The following ST6GALNAC3 variants were observed in gnomAD, a reference collection of about 807,000 sequenced individuals.
ST6GALNAC3 encodes ST6 N-acetylgalactosaminide alpha-2,6-sialyltransferase 3.
In ST6GALNAC3, 25 loss-of-function variants were observed where a neutral mutation model predicts 32.7. The observed-to-expected ratio is 0.76, with a 90% CI of 0.56 to 1.07. The LOEUF (loss-of-function observed/expected upper bound fraction) is 1.07. Ranked by LOEUF, ST6GALNAC3 falls within the 50% of genes least tolerant of loss-of-function variation. ST6GALNAC3 has a pLI of 0.00. For synonymous variants in ST6GALNAC3, 129 were observed against 133.1 expected, an observed-to-expected ratio of 0.97 and a Z score of 0.21; for missense variants, 355 against 382.4, an observed-to-expected ratio of 0.93 and a Z score of 0.60.
chr1:76,562,456 G>A (rs1557574734), intron 3 of ST6GALNAC3, among the ~76,000 whole-genome samples: 1 of 152,084 alleles, frequency 6.6e-6, no homozygotes, highest in South Asian at 2.1e-4. Context: ...AGGATGATGT[G>A]GTGGTAACTA....
chr1:76,457,172 A>C (rs901326636), intron 3 of ST6GALNAC3, among the ~76,000 whole-genome samples: 1 of 152,036 alleles, frequency 6.6e-6, no homozygotes, highest in African/African-American at 2.4e-5. Context: ...CTTCAAGGAG[A>C]ACTACAAACC....
intron 1 of ST6GALNAC3, among the ~76,000 whole-genome samples, chr1:76,215,756 G>A (rs1028521311): frequency 3.3e-5 from 5 of 152,224 alleles, no homozygotes; most frequent in East Asian, 1.9e-4. Flanking sequence ...AGAGGTAACC[G>A]CCTTGAACAT....
chr1:76,461,911 A>C (rs1220152723), intron 3 of ST6GALNAC3, among the ~76,000 whole-genome samples: 1 of 152,164 alleles, frequency 6.6e-6, no homozygotes, highest in Non-Finnish European at 1.5e-5. Flanking sequence ...ATCCAGACTT[A>C]GGTAAACTGA....
intron 1 of ST6GALNAC3, among the ~76,000 whole-genome samples, chr1:76,274,039 C>T (rs1485831829): frequency 1.3e-5 from 2 of 152,110 alleles, no homozygotes; most frequent in African/African-American, 2.4e-5. Flanking sequence ...GCCATAATCA[C>T]AACATTCGAA....
At chr1:76,143,837 C>T (rs1050382390) in intron 1 of ST6GALNAC3, among the ~76,000 whole-genome samples, 22 of 152,104 alleles carry the variant, frequency 1.4e-4, no homozygotes, top group African/African-American at 5.1e-4. Context: ...ATTGAGGCCT[C>T]ACTATTGAGA....
intron 3 of ST6GALNAC3, among the ~76,000 whole-genome samples, chr1:76,614,579 C>A (rs1172067785): frequency 6.6e-6 from 1 of 151,782 alleles, no homozygotes; most frequent in East Asian, 1.9e-4. Flanking sequence ...ATTAGCCGGG[C>A]GTGGTGGCGG....
rs553226463 is a variant in ST6GALNAC3 at position 76,476,102 on chromosome 1, A to G, written c.623+63685A>G. Among the ~76,000 whole-genome samples, 35 of 152,244 alleles carry G rather than the reference A, an allele frequency of 2.3e-4. 1 individual carries two copies. The South Asian group carries it at 7.1e-3, about 31-fold the overall frequency. ...ATTTTCCTTATCCAGTCTATCATTG[A>G]TGGGCATTTGGGTCGGAATTTTTAT... On this transcript the variant is annotated intron_variant, in intron 3 of 4. Coordinates refer to ENST00000328299, the MANE Select transcript of ST6GALNAC3 (RefSeq NM_152996.4).
chr1:76,117,442 A>C (rs918721261), intron 1 of ST6GALNAC3, among the ~76,000 whole-genome samples: 1 of 152,242 alleles, frequency 6.6e-6, no homozygotes, highest in Non-Finnish European at 1.5e-5. Context: ...CTCTGATGTG[A>C]GTCTTGCTAG....
chr1:76,112,743 C>T (rs549274056), intron 1 of ST6GALNAC3, among the ~76,000 whole-genome samples: 3,262 of 148,266 alleles, frequency 0.022, 130 homozygotes, highest in African/African-American at 0.078. Context: ...CCAGACGGGG[C>T]GGCAGGGCAG....
intron 3 of ST6GALNAC3, among the ~76,000 whole-genome samples, chr1:76,526,918 T>A (rs1320731632): frequency 6.6e-6 from 1 of 152,108 alleles, no homozygotes; most frequent in Non-Finnish European, 1.5e-5. Context: ...TGATTGTTAA[T>A]TCCAGTCTTA....
chr1:76,418,767 C>A (rs1356807053), intron 3 of ST6GALNAC3, among the ~76,000 whole-genome samples: 1 of 151,922 alleles, frequency 6.6e-6, no homozygotes, highest in African/African-American at 2.4e-5. Flanking sequence ...ATGGGCAGAT[C>A]CATAGGACTC....
intron 1 of ST6GALNAC3, among the ~76,000 whole-genome samples, chr1:76,252,083 A>G (rs1570585509): frequency 1.3e-5 from 2 of 152,240 alleles, no homozygotes; most frequent in South Asian, 2.1e-4. Flanking sequence ...GTATGGTGGG[A>G]AAAAAACCAG....
chr1:76,497,057 C>A (rs1660893529), intron 3 of ST6GALNAC3, among the ~76,000 whole-genome samples: 1 of 152,142 alleles, frequency 6.6e-6, no homozygotes, highest in Admixed American at 6.6e-5. Flanking sequence ...AATTTGGATC[C>A]TTGCCAAAGG....
rs568505296 is a variant in ST6GALNAC3, at chr1:76,222,126, T to A, written c.19-91679T>A. On this transcript the variant is annotated intron_variant, in intron 1 of 4. Coordinates refer to ENST00000328299, the MANE Select transcript of ST6GALNAC3 (RefSeq NM_152996.4). The stretch of plus-strand genomic sequence containing the variant: ...AAGTTCTATCTCTAAGCATTAAAAA[T>A]TAAACATTTAAAATGTGCTTTTGCA... Among the ~76,000 whole-genome samples, 5 of 152,304 alleles carry A rather than the reference T, an allele frequency of 3.3e-5. No individual in the cohort carries two copies. The South Asian group carries it at 1.0e-3, about 32-fold the overall frequency.
intron 3 of ST6GALNAC3, among the ~76,000 whole-genome samples, chr1:76,457,673 C>G (rs1571294898): frequency 6.6e-6 from 1 of 152,120 alleles, no homozygotes; most frequent in South Asian, 2.1e-4. Flanking sequence ...GGAAAACTGG[C>G]TAGCCATATG....
intron 1 of ST6GALNAC3, among the ~76,000 whole-genome samples, chr1:76,250,918 A>C (rs962129574): frequency 6.6e-6 from 1 of 152,178 alleles, no homozygotes; most frequent in Admixed American, 6.5e-5. Flanking sequence ...TTAAAAAACA[A>C]TGACACTCAC....
rs1570999942 is a variant in ST6GALNAC3, at chr1:76,372,408, A to C, written c.214-39600A>C. 2.0e-5 allele frequency among the ~76,000 whole-genome samples: 3 copies of C among 152,232 alleles called. 1 individual carries two copies. The highest frequency in any genetic ancestry group is 2.0e-4 in the Admixed American group (3 of 15,262). ...CACATTGTATTGCAGTATTATTCACAATCGCCAAAACAGTTTGGGGGTTTT... is the reference window on the plus strand; with the variant it reads ...CACATTGTATTGCAGTATTATTCACCATCGCCAAAACAGTTTGGGGGTTTT... On this transcript the variant is annotated intron_variant, in intron 2 of 4. Transcript: ENST00000328299.
intron 2 of ST6GALNAC3, among the ~76,000 whole-genome samples, chr1:76,408,025 C>T (rs1292271979): frequency 2.0e-5 from 3 of 151,912 alleles, no homozygotes; most frequent in Non-Finnish European, 2.9e-5. Context: ...TCAAATTGTC[C>T]ATTTGTGCCT....
At chr1:76,370,402 C>T (rs1650723942) in intron 2 of ST6GALNAC3, among the ~76,000 whole-genome samples, 1 of 152,126 alleles carries the variant, frequency 6.6e-6, no homozygotes. Context: ...TCCTTTTCCT[C>T]CCATCTTTTT....
Sources: allele counts gnomAD v4.1 joint callset (sites outside exome capture counted in the v4.1 genomes callset), GRCh38; gene constraint gnomAD v4.1.1; transcripts MANE v1.5; gene names NCBI Gene and HGNC (gene_info 2026-07-23, HGNC 2026-07-21).